Variants in NSL1 observed in about 807,000 individuals in gnomAD.
NSL1 encodes the protein kinetochore-associated protein NSL1 homolog.
NSL1 carries 11 observed loss-of-function variants against 25.4 expected under a neutral mutation model. That is an observed-to-expected ratio of 0.43 (90% CI 0.27 to 0.72). NSL1 has a LOEUF of 0.72. NSL1 is among the 30% of genes least tolerant of loss of function. NSL1 has a pLI of 0.19. For missense variants in NSL1, 330 were observed against 342.7 expected (o/e 0.96, Z 0.29); for synonymous variants, 118 against 120.6 (o/e 0.98, Z 0.14).
At chr1:212,778,912 A>T (rs1440813752) in intron 4 of NSL1, among the ~76,000 whole-genome samples, 1 of 147,612 alleles carries the variant, frequency 6.8e-6, no homozygotes. Flanking sequence ...CTGGAAAGTG[A>T]GGAGCGTCTC....
chr1:212,762,026 G>A (rs987827201), intron 4 of NSL1, among the ~76,000 whole-genome samples: 24 of 151,580 alleles, frequency 1.6e-4, no homozygotes, highest in African/African-American at 5.1e-4. Flanking sequence ...AGCTGGGCGC[G>A]GTGGCTCATG....
chr1:212,732,066 T>C lies in NSL1; in HGVS notation c.*6342A>G, dbSNP rs1658040660. ...TTTTTTACTGAATTCAGATTCAGGG[T>C]TTTTATTATTATGGCTATATAAATA... is the stretch of plus-strand genomic sequence containing the variant. On this transcript the variant is annotated 3_prime_UTR_variant, in exon 6 of 6. Transcript: ENST00000366977. 1.1e-6 allele frequency: 1 copy of C among 950,026 alleles called. No homozygotes were observed. The highest frequency in any genetic ancestry group is 1.2e-6 in the Non-Finnish European group (1 of 808,762). The allele number at this position is 950,026 out of a possible 1,614,324, so 58.8% of individuals were successfully genotyped here. A position where few individuals can be genotyped will look rare whatever the true frequency, so the allele number is the denominator to read the frequency against.
chr1:212,758,209 T>C (rs941865190), intron 4 of NSL1, among the ~76,000 whole-genome samples: 2 of 152,354 alleles, frequency 1.3e-5, no homozygotes, highest in African/African-American at 4.8e-5. Flanking sequence ...CATCTAGCTA[T>C]ACTGTGGTAA....
chr1:212,776,099 G>A (rs576058718), intron 4 of NSL1, among the ~76,000 whole-genome samples: 2 of 152,234 alleles, frequency 1.3e-5, no homozygotes, highest in South Asian at 4.2e-4. Flanking sequence ...ACAGGCGTGA[G>A]CCACTGCGCC....
chr1:212,780,995 A>T (rs929598069), intron 4 of NSL1, among the ~76,000 whole-genome samples: 6 of 152,208 alleles, frequency 3.9e-5, no homozygotes, highest in African/African-American at 1.4e-4. Context: ...ATGCTTGAAG[A>T]AGTCAGGTGA....
chr1:212,775,447 T>A (rs1039648628), intron 4 of NSL1, among the ~76,000 whole-genome samples: 1 of 152,090 alleles, frequency 6.6e-6, no homozygotes, highest in African/African-American at 2.4e-5. Context: ...TCAAAGATAA[T>A]GATGTAATAG....
At chr1:212,756,412 CTT>C (rs960384577) in intron 4 of NSL1, among the ~76,000 whole-genome samples, 1 of 152,088 alleles carries the variant, frequency 6.6e-6, no homozygotes, top group African/African-American at 2.4e-5. Context: ...ATCCGGCCGA[CTT>C]TGGTTTTTAA....
intron 4 of NSL1, among the ~76,000 whole-genome samples, chr1:212,772,722 A>T (rs763854959): frequency 6.6e-6 from 1 of 151,968 alleles, no homozygotes. Context: ...TTAGTACAAA[A>T]CCACAAGAGT....
chr1:212,791,423 G>T, intron 1 of NSL1, 107 bp downstream of exon 1: 2 of 997,224 alleles, frequency 2.0e-6, no homozygotes, highest in Non-Finnish European at 3.1e-6. Flanking sequence ...GTAGCCTGGG[G>T]CACCGTTAAT....
intron 4 of NSL1, among the ~76,000 whole-genome samples, chr1:212,774,382 C>T (rs535408798): frequency 6.6e-6 from 1 of 151,336 alleles, no homozygotes; most frequent in Non-Finnish European, 1.5e-5. Flanking sequence ...TATTATGTAC[C>T]AATTTAAAAA....
At chr1:212,766,738 C>T (rs1659840877) in intron 4 of NSL1, among the ~76,000 whole-genome samples, 1 of 151,556 alleles carries the variant, frequency 6.6e-6, no homozygotes. Flanking sequence ...TATCAAAGTA[C>T]AAAATCAGTG....
intron 4 of NSL1, among the ~76,000 whole-genome samples, chr1:212,761,536 G>A (rs1659564800): frequency 6.6e-6 from 1 of 152,162 alleles, no homozygotes; most frequent in Admixed American, 6.6e-5. Context: ...CTACTTGGGA[G>A]GCGGAGGTGG....
Position 212,736,468 on chromosome 1 carries a change from C to T in NSL1, c.*1940G>A. 1 of 985,358 alleles carries T rather than the reference C, an allele frequency of 1.0e-6. No homozygotes were observed. The highest frequency in any genetic ancestry group is 1.2e-6 in the Non-Finnish European group (1 of 829,848). 61.0% of individuals were successfully genotyped at this position (985,358 alleles called of 1,614,324 possible). The stretch of plus-strand genomic sequence containing the variant: ...TTTCTTGCTTTTAATCCTTAGCTTA[C>T]TAGTTCTTGGCCTATGCAGAAATGC... On this transcript the variant is annotated 3_prime_UTR_variant, in exon 6 of 6. Coordinates refer to ENST00000366977, the MANE Select transcript of NSL1 (RefSeq NM_015471.4).
chr1:212,776,390 A>AATC (rs917778310), intron 4 of NSL1, among the ~76,000 whole-genome samples: 258 of 151,234 alleles, frequency 1.7e-3, no homozygotes, highest in African/African-American at 5.1e-3. Context: ...TAATAATAAT[A>AATC]ATAAATAAAA....
intron 4 of NSL1, among the ~76,000 whole-genome samples, chr1:212,775,902 A>G (rs1014946232): frequency 4.6e-5 from 7 of 151,696 alleles, no homozygotes; most frequent in Non-Finnish European, 1.0e-4. Context: ...ATCTCGGCTC[A>G]CTGACAGCTC....
intron 4 of NSL1, among the ~76,000 whole-genome samples, chr1:212,761,127 C>G (rs1439007757): frequency 6.6e-6 from 1 of 152,210 alleles, no homozygotes; most frequent in Non-Finnish European, 1.5e-5. Context: ...ATCTAAAAAT[C>G]TGAAAGAAGT....
rs899585899 is a variant in NSL1, at chr1:212,730,013, G to A, written c.*8395C>T. The A allele has an allele frequency of 1.3e-5, 13 of 979,026 alleles. No homozygotes were observed. In the Admixed American group the frequency reaches 3.7e-4, roughly 28 times the overall value. 60.6% of individuals were successfully genotyped at this position (979,026 alleles called of 1,614,324 possible). A position where few individuals can be genotyped will look rare whatever the true frequency, so the allele number is the denominator to read the frequency against. On this transcript the variant is annotated 3_prime_UTR_variant, in exon 6 of 6. Transcript: ENST00000366977. The stretch of plus-strand genomic sequence containing the variant: ...CTCCTGTAATCACAGCACTTTGGGA[G>A]GCCAGGGCGAGTGGATCACCTGAGG...
rs1251271517 is a variant in NSL1, at chr1:212,727,890, T to C, written c.*10518A>G. On this transcript the variant is annotated 3_prime_UTR_variant, in exon 6 of 6. Transcript: ENST00000366977. ...TTTGTTGATACTCTCTGTTGCTATG[T>C]GTCATTGAAAAAAAATGAGAAGAAC... 1.0e-6 allele frequency: 1 copy of C among 985,282 alleles called. No homozygotes were observed. Among genetic ancestry groups the C allele is most frequent in the Non-Finnish European group, 1.2e-6 (1 of 829,908 alleles). The allele number at this position is 985,282 out of a possible 1,614,324, so 61.0% of individuals were successfully genotyped here. A position where few individuals can be genotyped will look rare whatever the true frequency, so the allele number is the denominator to read the frequency against.
chr1:212,791,115 C>G (rs1205880779), intron 1 of NSL1, among the ~76,000 whole-genome samples: 1 of 151,376 alleles, frequency 6.6e-6, no homozygotes, highest in Admixed American at 6.6e-5. Flanking sequence ...GTAACTAGTT[C>G]GAAGATGTGC....
Sources: allele counts gnomAD v4.1 joint callset (sites outside exome capture counted in the v4.1 genomes callset), GRCh38; gene constraint gnomAD v4.1.1; transcripts MANE v1.5; gene names NCBI Gene and HGNC (gene_info 2026-07-23, HGNC 2026-07-21).